The following ESRRG variants were observed in gnomAD, a reference collection of about 807,000 sequenced individuals.
ESRRG encodes the protein estrogen related receptor gamma, also known as estrogen-related receptor gamma.
In ESRRG, 13 loss-of-function variants were observed where a neutral mutation model predicts 44.0. The observed-to-expected ratio is 0.30, with a 90% CI of 0.19 to 0.47. The LOEUF (loss-of-function observed/expected upper bound fraction) is 0.47. Among genes scored for constraint, ESRRG ranks in the 20% least tolerant of loss-of-function variants. ESRRG has a pLI of 1.00. For synonymous variants in ESRRG, 215 were observed against 214.6 expected, an observed-to-expected ratio of 1.00 and a Z score of -0.02; for missense variants, 395 against 580.6, an observed-to-expected ratio of 0.68 and a Z score of 3.29.
At chr1:216,692,312 ATGTGTGTGTGTGTGTGTGTGTG>A (rs56856888) in intron 1 of ESRRG, among the ~76,000 whole-genome samples, 1 of 147,592 alleles carries the variant, frequency 6.8e-6, no homozygotes, top group South Asian at 2.2e-4. Flanking sequence ...AGGCTAGTGT[ATGTGTGTGTGTGTGTGTGTGTG>A]TGTGTGTGTG....
intron 1 of ESRRG, among the ~76,000 whole-genome samples, chr1:217,070,386 ATTT>A (rs71303006): frequency 6.8e-6 from 1 of 147,964 alleles, no homozygotes; most frequent in Admixed American, 6.8e-5. Flanking sequence ...TCCAAAGTTA[ATTT>A]TTTTTTTTTT....
chr1:216,568,078 G>A lies in ESRRG; in HGVS notation c.610C>T (p.Arg204Cys), dbSNP rs2060004052. The change falls in exon 4 of 7, where the codon CGT becomes TGT. Residue 204 changes from arginine (R) to cysteine (C), a missense_variant. Physicochemically the swap from Arg to Cys is radical, Grantham distance 180 (BLOSUM62 -3). Around this residue, in one of 5 missense-constraint regions of ESRRG, gnomAD observed 35 missense variants for 120.1 expected, o/e 0.29. Transcript: ENST00000408911. ...CGCTTGTACTTCTGCCGACCTCCAC[G>A]TACTCTGTCAAGACGCACCCCTGTG... ...LKEGVRLDRV[R>C]GGRQKYKRRI... 1 of 1,613,390 alleles carries A rather than the reference G, an allele frequency of 6.2e-7. No individual in the cohort carries two copies.
Position 216,677,249 on chromosome 1 carries a change from A to C in ESRRG, c.299T>G (p.Leu100Arg). 1 of 1,614,170 alleles carries C rather than the reference A, an allele frequency of 6.2e-7. No individual in the cohort carries two copies. ...AATGGTGCTGGAGCAGTCATCATAC[A>C]GTTTCCTGACAGGCCCACTACCTCC... ...ILGGSGPVRK[L>R]YDDCSSTIVE... Residue 100 changes from leucine to arginine, a missense_variant, in exon 2 of 7, where the codon CTG (leucine) becomes CGG (arginine). Leu to Arg is a moderately radical substitution (Grantham distance 102, BLOSUM62 -2). This residue lies in a region of ESRRG where 148 missense variants were observed against 150.4 expected (regional missense o/e 0.98). Coordinates refer to ENST00000408911, the MANE Select transcript of ESRRG (RefSeq NM_001438.4).
intron 2 of ESRRG, among the ~76,000 whole-genome samples, chr1:216,836,345 A>G (rs915698005): frequency 2.6e-5 from 4 of 152,208 alleles, no homozygotes; most frequent in Non-Finnish European, 5.9e-5. Flanking sequence ...CAAAAAGAAA[A>G]CTTCAGGACA....
At chr1:216,820,152 C>A (rs2095255471) in intron 2 of ESRRG, among the ~76,000 whole-genome samples, 1 of 152,144 alleles carries the variant, frequency 6.6e-6, no homozygotes, top group African/African-American at 2.4e-5. Context: ...TTCTCATATT[C>A]CAGACTTTTG....
intron 1 of ESRRG, among the ~76,000 whole-genome samples, chr1:217,121,389 A>G (rs2092817883): frequency 6.6e-6 from 1 of 152,142 alleles, no homozygotes; most frequent in South Asian, 2.1e-4. Flanking sequence ...AGGGAGTAAA[A>G]TGATGATCAG....
intron 1 of ESRRG, among the ~76,000 whole-genome samples, chr1:217,025,644 G>A (rs1023305191): frequency 6.6e-6 from 1 of 152,126 alleles, no homozygotes; most frequent in Admixed American, 6.6e-5. Context: ...CTGTAAGCCT[G>A]GCCCCTTGTC....
chr1:216,968,480 T>C (rs2070919713), intron 1 of ESRRG, among the ~76,000 whole-genome samples: 1 of 152,172 alleles, frequency 6.6e-6, no homozygotes, highest in Non-Finnish European at 1.5e-5. Flanking sequence ...AAGCACCATT[T>C]GTTGAAAAGG....
At chr1:216,916,228 T>C (rs2061146737) in intron 2 of ESRRG, among the ~76,000 whole-genome samples, 1 of 152,218 alleles carries the variant, frequency 6.6e-6, no homozygotes, top group Non-Finnish European at 1.5e-5. Flanking sequence ...TCATTTCAAG[T>C]GCTCCCCTGT....
intron 1 of ESRRG, among the ~76,000 whole-genome samples, chr1:217,037,595 G>A (rs906002047): frequency 6.6e-6 from 1 of 152,026 alleles, no homozygotes; most frequent in Non-Finnish European, 1.5e-5. Flanking sequence ...ACACAGCCAA[G>A]TCACATTATT....
At chr1:217,096,337 A>G (rs990164859) in intron 1 of ESRRG, among the ~76,000 whole-genome samples, 4 of 152,222 alleles carry the variant, frequency 2.6e-5, no homozygotes, top group Non-Finnish European at 4.4e-5. Flanking sequence ...ACCTGATGCC[A>G]CAAGCTACCA....
chr1:216,806,529 G>C (rs143706624), intron 2 of ESRRG, among the ~76,000 whole-genome samples: 1 of 152,132 alleles, frequency 6.6e-6, no homozygotes, highest in Non-Finnish European at 1.5e-5. Flanking sequence ...GCTTATCAAC[G>C]TGAGGCATGA....
At chr1:216,520,253 A>G (rs1221693732) in intron 5 of ESRRG, among the ~76,000 whole-genome samples, 1 of 152,182 alleles carries the variant, frequency 6.6e-6, no homozygotes, top group Non-Finnish European at 1.5e-5. Context: ...CTTGTCTCTT[A>G]AATTTCGTAT....
At chr1:216,695,902 G>T (rs1173203370) in intron 1 of ESRRG, among the ~76,000 whole-genome samples, 1 of 152,134 alleles carries the variant, frequency 6.6e-6, no homozygotes, top group Admixed American at 6.5e-5. Flanking sequence ...TATCAACAAG[G>T]ATATGTTCTG....
At chr1:216,625,063 C>G (rs140152478) in intron 3 of ESRRG, among the ~76,000 whole-genome samples, 3 of 152,264 alleles carry the variant, frequency 2.0e-5, no homozygotes, top group African/African-American at 7.2e-5. Context: ...TCAGATTTAA[C>G]TCTGAATGCT....
chr1:216,526,417 CAG>C (rs899736390), intron 5 of ESRRG, among the ~76,000 whole-genome samples: 1 of 152,026 alleles, frequency 6.6e-6, no homozygotes, highest in African/African-American at 2.4e-5. Context: ...TGTCAGGACA[CAG>C]GGAGAATACT....
At chr1:216,769,014 C>G (rs1264964737) in intron 2 of ESRRG, among the ~76,000 whole-genome samples, 1 of 151,652 alleles carries the variant, frequency 6.6e-6, no homozygotes, top group African/African-American at 2.4e-5. Context: ...CAACAAATGC[C>G]TAATGTATGT....
intron 5 of ESRRG, among the ~76,000 whole-genome samples, chr1:216,549,747 G>T (rs1322072745): frequency 1.3e-5 from 2 of 152,026 alleles, no homozygotes; most frequent in African/African-American, 4.8e-5. Context: ...GTGAAACTTA[G>T]AAAAATAAAG....
At chr1:216,791,964 C>T (rs2094333835) in intron 2 of ESRRG, among the ~76,000 whole-genome samples, 1 of 152,046 alleles carries the variant, frequency 6.6e-6, no homozygotes, top group Non-Finnish European at 1.5e-5. Flanking sequence ...GTCCCATTGC[C>T]ATCAAGTAGA....
Sources: gnomAD v4.1 joint callset for allele counts (sites outside exome capture counted in the v4.1 genomes callset) on GRCh38, gnomAD v4.1.1 for gene constraint, gnomAD v4.1.1 regional missense constraint, MANE v1.5 for transcripts, NCBI Gene and HGNC (gene_info 2026-07-23, HGNC 2026-07-21) for gene names.